The following CNTN4 variants were observed in gnomAD, a reference collection of about 807,000 sequenced individuals.
CNTN4 encodes the protein contactin 4, also known as contactin-4.
Under a neutral mutation model 122.5 loss-of-function variants are expected in CNTN4, and 77 were observed. The observed-to-expected ratio is 0.63, with a 90% confidence interval of 0.52 to 0.76. The LOEUF is 0.76. Ranked by LOEUF, CNTN4 falls within the 30% of genes least tolerant of loss-of-function variation. The probability of loss-of-function intolerance (pLI) is 0.00; values close to 1 mark genes in which losing one functional copy is unlikely to be tolerated. For synonymous variants in CNTN4, 512 were observed against 447.0 expected (o/e 1.15, Z -1.83); for missense variants, 1,256 against 1,259.1 (o/e 1.00, Z 0.04).
intron 3 of CNTN4, among the ~76,000 whole-genome samples, chr3:2,554,634 A>C (rs2078647556): frequency 6.6e-6 from 1 of 152,198 alleles, no homozygotes; most frequent in African/African-American, 2.4e-5. Context: ...AGGCGATATG[A>C]TTTTTGTCAC....
At chr3:2,176,060 A>G (rs1449895496) in intron 2 of CNTN4, among the ~76,000 whole-genome samples, 3 of 152,164 alleles carry the variant, frequency 2.0e-5, no homozygotes, top group East Asian at 1.9e-4. Context: ...GGCAGAAATG[A>G]TTCTTTTTAT....
chr3:2,714,351 T>TA (rs1361051154), intron 4 of CNTN4, among the ~76,000 whole-genome samples: 2 of 152,200 alleles, frequency 1.3e-5, no homozygotes, highest in African/African-American at 4.8e-5. Flanking sequence ...CAGTTCTTCA[T>TA]ACTGTTCTGT....
chr3:2,309,529 G>A (rs186989995), intron 2 of CNTN4, among the ~76,000 whole-genome samples: 6 of 151,848 alleles, frequency 4.0e-5, no homozygotes, highest in Admixed American at 1.3e-4. Flanking sequence ...TTTTGTTTGC[G>A]ACTCTTGTTT....
intron 6 of CNTN4, among the ~76,000 whole-genome samples, chr3:2,746,007 C>A (rs2089733984): frequency 1.6e-5 from 1 of 64,372 alleles, no homozygotes; most frequent in African/African-American, 5.1e-5. Context: ...TTTATGTAAA[C>A]AACAAATTTG....
At chr3:2,765,387 G>A (rs560697904) in intron 6 of CNTN4, among the ~76,000 whole-genome samples, 2 of 152,202 alleles carry the variant, frequency 1.3e-5, no homozygotes, top group Admixed American at 6.5e-5. Flanking sequence ...CTTTTTTTCC[G>A]GGTTAAGAAG....
At chr3:2,857,985 T>C (rs984204430) in intron 7 of CNTN4, among the ~76,000 whole-genome samples, 1 of 152,196 alleles carries the variant, frequency 6.6e-6, no homozygotes, top group African/African-American at 2.4e-5. Flanking sequence ...TGTGTCTGTA[T>C]CCTAAAGCAG....
intron 2 of CNTN4, among the ~76,000 whole-genome samples, chr3:2,171,051 G>C (rs937233692): frequency 6.6e-6 from 1 of 152,114 alleles, no homozygotes; most frequent in Non-Finnish European, 1.5e-5. Flanking sequence ...CCTGATTTTA[G>C]TCGAATAACT....
intron 3 of CNTN4, among the ~76,000 whole-genome samples, chr3:2,440,698 A>G (rs2048403230): frequency 6.6e-6 from 1 of 151,584 alleles, no homozygotes; most frequent in Non-Finnish European, 1.5e-5. Context: ...ACGTATATAT[A>G]TGTATATACA....
At chr3:2,520,387 C>T (rs1474332604) in intron 3 of CNTN4, among the ~76,000 whole-genome samples, 1 of 149,478 alleles carries the variant, frequency 6.7e-6, no homozygotes, top group African/African-American at 2.5e-5. Context: ...ATTCTTGTGC[C>T]TCAGCCTCCT....
intron 14 of CNTN4, among the ~76,000 whole-genome samples, chr3:2,996,871 A>T (rs1274581317): frequency 1.3e-5 from 2 of 152,296 alleles, no homozygotes; most frequent in African/African-American, 4.8e-5. Context: ...AAAAGCATAG[A>T]TCTCTCACCT....
intron 2 of CNTN4, among the ~76,000 whole-genome samples, chr3:2,305,039 C>T (rs73807708): frequency 0.023 from 3,553 of 151,912 alleles, 136 homozygotes; most frequent in African/African-American, 0.082. Flanking sequence ...CTATGGCAAG[C>T]AGAATTCACT....
intron 13 of CNTN4, among the ~76,000 whole-genome samples, chr3:2,965,019 A>C (rs1299639848): frequency 1.3e-5 from 2 of 152,200 alleles, no homozygotes; most frequent in African/African-American, 4.8e-5. Context: ...TGTAAATGGA[A>C]TGATTGGCCC....
intron 6 of CNTN4, among the ~76,000 whole-genome samples, chr3:2,807,955 G>A (rs987346796): frequency 2.0e-5 from 3 of 152,084 alleles, no homozygotes; most frequent in Admixed American, 1.3e-4. Context: ...CTTGAACATC[G>A]ATCTAGTTTC....
chr3:2,342,072 A>G (rs1179629838), intron 3 of CNTN4, among the ~76,000 whole-genome samples: 2 of 152,238 alleles, frequency 1.3e-5, no homozygotes, highest in African/African-American at 2.4e-5. Flanking sequence ...TGAATGGGCC[A>G]TTTAGATGTT....
chr3:2,492,866 T>A (rs1286696661), intron 3 of CNTN4, among the ~76,000 whole-genome samples: 4 of 152,192 alleles, frequency 2.6e-5, no homozygotes, highest in Non-Finnish European at 5.9e-5. Flanking sequence ...CAAACAGTAT[T>A]GTCTAAAGTC....
intron 2 of CNTN4, among the ~76,000 whole-genome samples, chr3:2,295,005 A>G (rs2042258139): frequency 6.6e-6 from 1 of 151,824 alleles, no homozygotes; most frequent in African/African-American, 2.4e-5. Context: ...AAGGACATGA[A>G]CTCATCATTT....
At chr3:2,238,733 G>GTTTTTTTTTTTTTTTTTT (rs2039779605) in intron 2 of CNTN4, 2 of 67,040 alleles carry the variant, frequency 3.0e-5, no homozygotes, top group East Asian at 2.9e-4. Flanking sequence ...AGTTGGCTCT[G>GTTTTTTTTTTTTTTTTTT]TGTTTTTTTT....
chr3:2,641,049 A>G (rs2082875838), intron 4 of CNTN4, among the ~76,000 whole-genome samples: 1 of 152,198 alleles, frequency 6.6e-6, no homozygotes, highest in Non-Finnish European at 1.5e-5. Flanking sequence ...TGGAACTAAG[A>G]CAAATTCTGC....
chr3:2,176,510 GA>G (rs1368364607), intron 2 of CNTN4, among the ~76,000 whole-genome samples: 1 of 152,004 alleles, frequency 6.6e-6, no homozygotes, highest in African/African-American at 2.4e-5. Flanking sequence ...AAGACAAATG[GA>G]AAATACATAT....
Sources: gnomAD v4.1 joint callset for allele counts (sites outside exome capture counted in the v4.1 genomes callset) on GRCh38, gnomAD v4.1.1 for gene constraint, MANE v1.5 for transcripts, NCBI Gene and HGNC (gene_info 2026-07-23, HGNC 2026-07-21) for gene names.